BAZ2B: variants seen among roughly 807,000 people sequenced by gnomAD.
BAZ2B encodes the protein bromodomain adjacent to zinc finger domain protein 2B.
Under a neutral mutation model 246.0 loss-of-function variants are expected in BAZ2B, and 91 were observed. The ratio of observed to expected loss-of-function variants is 0.37; its 90% confidence interval spans 0.31 to 0.44. The LOEUF (loss-of-function observed/expected upper bound fraction) is 0.44. BAZ2B is among the 20% of genes least tolerant of loss of function. BAZ2B has a pLI of 1.00. For missense variants in BAZ2B, 2,332 were observed against 2,533.7 expected (o/e 0.92, Z 1.71); for synonymous variants, 855 against 860.0 (o/e 0.99, Z 0.10).
intron 14 of BAZ2B, among the ~76,000 whole-genome samples, chr2:159,406,738 G>T (rs2065993663): frequency 6.6e-6 from 1 of 151,936 alleles, no homozygotes; most frequent in African/African-American, 2.4e-5. Flanking sequence ...GCACTATTGT[G>T]TTAAATTTTT....
chr2:159,324,688 ACCT>A, intron 36 of BAZ2B, 120 bp downstream of exon 36: 14 of 365,046 alleles, frequency 3.8e-5, no homozygotes, highest in Non-Finnish European at 6.5e-5. Context: ...ACACACACAC[ACCT>A]GCCTCAAAGG....
chr2:159,644,547 C>T, the BAZ2B span, among the ~76,000 whole-genome samples: 1 of 151,970 alleles, frequency 6.6e-6, no homozygotes, highest in Non-Finnish European at 1.5e-5. Context: ...ATTTCTGAAT[C>T]ACCTTTGGTG....
At chr2:159,580,528 C>T (rs1364593911) in intron 1 of BAZ2B, among the ~76,000 whole-genome samples, 9 of 152,194 alleles carry the variant, frequency 5.9e-5, no homozygotes, top group Non-Finnish European at 1.2e-4. Flanking sequence ...CCCCATCAAG[C>T]TACCAATGAC....
intron 14 of BAZ2B, among the ~76,000 whole-genome samples, chr2:159,406,906 C>T (rs1039251385): frequency 5.9e-5 from 9 of 151,928 alleles, no homozygotes; most frequent in Non-Finnish European, 7.4e-5. Context: ...AGGCGCCCGC[C>T]ACCACGCCCA....
In BAZ2B at chr2:159,347,517, C is replaced by T; in HGVS notation, c.5423G>A (p.Arg1808Lys). 2 of 1,613,858 alleles carry T rather than the reference C, an allele frequency of 1.2e-6. No homozygotes were observed. Among genetic ancestry groups the T allele is most frequent in the Non-Finnish European group, 1.7e-6 (2 of 1,179,904 alleles). ...SVLQQVEDLE[R>K]RVASASLQVK... is the part of the protein sequence containing the mutation. ...TTGCAAACTTGCTGATGCAACTCTC[C>T]TTTCTAGATCTTCTACCTGTTGAAG... The change falls in exon 31 of 37, where the codon AGG becomes AAG. Residue 1808 changes from arginine (R) to lysine (K), a missense_variant. Transcript: ENST00000392783.
At chr2:159,697,771 G>C in the BAZ2B span, among the ~76,000 whole-genome samples, 2 of 151,796 alleles carry the variant, frequency 1.3e-5, no homozygotes, top group Non-Finnish European at 2.9e-5. Context: ...ATTTTACCTT[G>C]GAATCCTCAT....
At chr2:159,489,359 C>A (rs139367990) in intron 2 of BAZ2B, among the ~76,000 whole-genome samples, 5 of 152,106 alleles carry the variant, frequency 3.3e-5, no homozygotes, top group Admixed American at 3.3e-4. Flanking sequence ...TAGAAATTAT[C>A]CAGTCTGAAC....
chr2:159,458,394 C>G (rs1181668195), intron 3 of BAZ2B: 1 of 151,832 alleles, frequency 6.6e-6, no homozygotes, highest in South Asian at 2.1e-4. Context: ...GGTGCGATCT[C>G]GGCTCACTGC....
intron 2 of BAZ2B, among the ~76,000 whole-genome samples, chr2:159,545,568 T>A (rs150307505): frequency 2.5e-4 from 37 of 150,124 alleles, no homozygotes; most frequent in East Asian, 3.9e-4. Context: ...AGGCAAAAAA[T>A]GTCACTAATT....
chr2:159,542,543 G>A (rs1462445520), intron 2 of BAZ2B, among the ~76,000 whole-genome samples: 1 of 152,038 alleles, frequency 6.6e-6, no homozygotes, highest in Non-Finnish European at 1.5e-5. Context: ...AGGCTGAGGT[G>A]GGAGGATTGC....
At chr2:159,701,658 AATAC>A in the BAZ2B span, among the ~76,000 whole-genome samples, 1 of 148,030 alleles carries the variant, frequency 6.8e-6, no homozygotes, top group Non-Finnish European at 1.5e-5. Context: ...ATATTTTTAT[AATAC>A]ATATTTTATA....
intron 2 of BAZ2B, among the ~76,000 whole-genome samples, chr2:159,525,530 T>C (rs1429800459): frequency 1.3e-5 from 2 of 152,158 alleles, no homozygotes; most frequent in Admixed American, 6.5e-5. Context: ...TTTATGTGTA[T>C]AAGGTGTAGA....
chr2:159,323,987 C>A (rs1341044316), intron 36 of BAZ2B, among the ~76,000 whole-genome samples: 3 of 151,954 alleles, frequency 2.0e-5, no homozygotes. Flanking sequence ...ATTTCATCCT[C>A]CAAAGAAATA....
the BAZ2B span, among the ~76,000 whole-genome samples, chr2:159,628,997 A>G: frequency 1.3e-5 from 2 of 152,210 alleles, no homozygotes; most frequent in East Asian, 3.8e-4. Context: ...CCCCATCAAA[A>G]AGTGGGGTGG....
chr2:159,442,162 T>C (rs1225913662), intron 6 of BAZ2B, among the ~76,000 whole-genome samples: 1 of 152,120 alleles, frequency 6.6e-6, no homozygotes, highest in Non-Finnish European at 1.5e-5. Context: ...GGTTTTGCTT[T>C]ACATGTAGTC....
chr2:159,538,525 CA>C (rs931603354), intron 2 of BAZ2B, among the ~76,000 whole-genome samples: 4 of 152,164 alleles, frequency 2.6e-5, no homozygotes, highest in African/African-American at 9.7e-5. Flanking sequence ...TTGCCCATTC[CA>C]GTTGTACAGG....
chr2:159,418,935 G>C (rs11680749), intron 13 of BAZ2B, among the ~76,000 whole-genome samples: 50,453 of 151,730 alleles, frequency 0.33, 9,823 homozygotes, highest in Non-Finnish European at 0.47. Context: ...TAAAATATTT[G>C]TGGGGTATGT....
At chr2:159,465,069 C>A (rs955768996) in intron 3 of BAZ2B, among the ~76,000 whole-genome samples, 16 of 152,152 alleles carry the variant, frequency 1.1e-4, no homozygotes, top group Admixed American at 8.5e-4. Flanking sequence ...TGACTTAGAA[C>A]AACAGAAATT....
intron 2 of BAZ2B, among the ~76,000 whole-genome samples, chr2:159,490,090 C>T (rs2080276752): frequency 6.6e-6 from 1 of 151,984 alleles, no homozygotes; most frequent in African/African-American, 2.4e-5. Flanking sequence ...TTAATTTTTT[C>T]CTACATTTAT....
Sources: allele counts gnomAD v4.1 joint callset (sites outside exome capture counted in the v4.1 genomes callset), GRCh38; gene constraint gnomAD v4.1.1; transcripts MANE v1.5; gene names NCBI Gene and HGNC (gene_info 2026-07-23, HGNC 2026-07-21).